The following MGST2 variants were observed in gnomAD, a reference collection of about 807,000 sequenced individuals.
MGST2 encodes the protein microsomal glutathione S-transferase 2, also known as glutathione peroxidase MGST2.
MGST2 carries 9 observed loss-of-function variants against 16.6 expected under a neutral mutation model. That is an observed-to-expected ratio of 0.54 (90% CI 0.33 to 0.95). The LOEUF (loss-of-function observed/expected upper bound fraction) is 0.95, where lower values mean the gene tolerates loss of function less well. Among genes scored for constraint, MGST2 ranks in the 40% least tolerant of loss-of-function variants. The pLI is 0.03. For synonymous variants in MGST2, 79 were observed against 68.0 expected (o/e 1.16, Z -0.79); for missense variants, 159 against 175.1 (o/e 0.91, Z 0.52).
At chr4:139,672,011 G>A (rs989009864) in intron 1 of MGST2, among the ~76,000 whole-genome samples, 1 of 152,084 alleles carries the variant, frequency 6.6e-6, no homozygotes, top group African/African-American at 2.4e-5. Flanking sequence ...AGAACAGAAG[G>A]GCTTCTATCC....
At chr4:139,692,551 C>T (rs1726669637) in intron 2 of MGST2, among the ~76,000 whole-genome samples, 1 of 152,164 alleles carries the variant, frequency 6.6e-6, no homozygotes, top group East Asian at 1.9e-4. Context: ...TGTGACTCTC[C>T]CCGACTTTGT....
chr4:139,683,873 A>C (rs192755192), intron 2 of MGST2, among the ~76,000 whole-genome samples: 18 of 150,306 alleles, frequency 1.2e-4, no homozygotes, highest in African/African-American at 4.4e-4. Flanking sequence ...AAAAAATGAG[A>C]GAGCTTGTGC....
At chr4:139,743,147 G>A (rs1434324197), downstream of MGST2, among the ~76,000 whole-genome samples, 2 of 152,162 alleles carry the variant, frequency 1.3e-5, no homozygotes, top group Non-Finnish European at 2.9e-5. Flanking sequence ...GCATAACCAC[G>A]ATTCACATAT....
At chr4:139,736,788 G>C (rs898629969) in intron 5 of MGST2, among the ~76,000 whole-genome samples, 1 of 152,166 alleles carries the variant, frequency 6.6e-6, no homozygotes, top group Non-Finnish European at 1.5e-5. Context: ...AAGCTCTCCA[G>C]GTGGTTACGA....
exon 6 of MGST2, chr4:139,740,622 G>C (rs1301895104): frequency 1.3e-5 from 2 of 152,068 alleles, no homozygotes; most frequent in African/African-American, 4.8e-5. Context: ...AGTCATCAAA[G>C]CAAAGATTGC....
downstream of MGST2, among the ~76,000 whole-genome samples, chr4:139,742,217 C>T (rs1335222278): frequency 2.6e-5 from 4 of 151,216 alleles, no homozygotes; most frequent in East Asian, 2.0e-4. Context: ...GGCACAATCT[C>T]GGCTCACTGC....
downstream of MGST2, among the ~76,000 whole-genome samples, chr4:139,745,594 A>C (rs114205319): frequency 0.016 from 2,470 of 151,988 alleles, 70 homozygotes; most frequent in African/African-American, 0.057. Flanking sequence ...CTGGGATCCC[A>C]CCTCCTCCCA....
chr4:139,722,709 A>G (rs1291950373), intron 5 of MGST2, among the ~76,000 whole-genome samples: 2 of 152,220 alleles, frequency 1.3e-5, no homozygotes, highest in Non-Finnish European at 2.9e-5. Flanking sequence ...CTAATGAGGG[A>G]AAGACAGTCA....
chr4:139,672,750 C>T (rs1269095069), intron 1 of MGST2, among the ~76,000 whole-genome samples: 1 of 152,052 alleles, frequency 6.6e-6, no homozygotes, highest in Admixed American at 6.5e-5. Flanking sequence ...GGGGTTTCAC[C>T]ATGTTGGCCG....
At chr4:139,689,101 C>T (rs1323829404) in intron 2 of MGST2, among the ~76,000 whole-genome samples, 1 of 103,190 alleles carries the variant, frequency 9.7e-6, no homozygotes, top group African/African-American at 3.9e-5. Context: ...AGTGAGACGC[C>T]ATCTCAAAAA....
chr4:139,727,299 G>C (rs1200171085), intron 5 of MGST2, among the ~76,000 whole-genome samples: 1 of 152,206 alleles, frequency 6.6e-6, no homozygotes, highest in East Asian at 1.9e-4. Context: ...TTAAAGTGTA[G>C]ACAAGAAACC....
intron 5 of MGST2, among the ~76,000 whole-genome samples, chr4:139,710,721 C>T (rs1163695824): frequency 6.6e-6 from 1 of 152,138 alleles, no homozygotes; most frequent in Non-Finnish European, 1.5e-5. Context: ...TAATTAAATT[C>T]TTTCTTTTGG....
intron 2 of MGST2, among the ~76,000 whole-genome samples, chr4:139,683,857 G>A (rs1426588894): frequency 6.6e-6 from 1 of 151,324 alleles, no homozygotes; most frequent in African/African-American, 2.4e-5. Context: ...ATGGATGGCA[G>A]CAGGCAAAAA....
downstream of MGST2, among the ~76,000 whole-genome samples, chr4:139,745,461 G>A (rs1009003019): frequency 6.6e-6 from 1 of 152,216 alleles, no homozygotes; most frequent in Non-Finnish European, 1.5e-5. Context: ...CAGGAGGTGA[G>A]GGGAAGCTGG....
Position 139,728,994 on chromosome 4 carries a change from C to T in MGST2, c.*49-11218C>T, listed in dbSNP as rs185754843. On this transcript the variant is annotated intron_variant, in intron 5 of 5. Coordinates refer to the MGST2 transcript ENST00000616265. Reference sequence around the variant, plus strand: ...AGGATTTACAGAGCCCAGCTGCCCTCGGCAGCTCCATTTGTCACTGCCTGA... The same window carrying T: ...AGGATTTACAGAGCCCAGCTGCCCTTGGCAGCTCCATTTGTCACTGCCTGA... Among the ~76,000 whole-genome samples the T allele has an allele frequency of 2.3e-3, 349 of 152,188 alleles. 2 individuals are homozygous for T. Among genetic ancestry groups the T allele is most frequent in the African/African-American group, 7.9e-3 (330 of 41,526 alleles).
At chr4:139,737,107 TGCCC>T (rs1292431451) in intron 5 of MGST2, among the ~76,000 whole-genome samples, 3 of 152,120 alleles carry the variant, frequency 2.0e-5, no homozygotes, top group African/African-American at 7.2e-5. Flanking sequence ...TCCCCTATAA[TGCCC>T]TTGCTAAGGG....
At chr4:139,727,663 T>C (rs751195498) in intron 5 of MGST2, among the ~76,000 whole-genome samples, 2 of 152,228 alleles carry the variant, frequency 1.3e-5, no homozygotes, top group Non-Finnish European at 2.9e-5. Flanking sequence ...AGAGGTTATG[T>C]GCTTTGAACT....
intron 1 of MGST2, among the ~76,000 whole-genome samples, chr4:139,667,589 G>A (rs1730433977): frequency 6.6e-6 from 1 of 152,166 alleles, no homozygotes; most frequent in South Asian, 2.1e-4. Flanking sequence ...GCCGGGCACG[G>A]TGGCTCACCC....
At chr4:139,747,099 T>C in the MGST2 span, among the ~76,000 whole-genome samples, 2 of 152,134 alleles carry the variant, frequency 1.3e-5, no homozygotes, top group Non-Finnish European at 2.9e-5. Context: ...AGCAAAGGGG[T>C]TGAGGATGGA....
Sources: gnomAD v4.1 joint callset for allele counts (sites outside exome capture counted in the v4.1 genomes callset) on GRCh38, gnomAD v4.1.1 for gene constraint, MANE v1.5 for transcripts, NCBI Gene and HGNC (gene_info 2026-07-23, HGNC 2026-07-21) for gene names.